The following MYOM1 variants were observed in gnomAD, a reference collection of about 807,000 sequenced individuals.
MYOM1 encodes myomesin 1.
In MYOM1, 164 loss-of-function variants were observed where a neutral mutation model predicts 205.3. The ratio of observed to expected loss-of-function variants is 0.80; its 90% CI spans 0.70 to 0.91. The LOEUF (loss-of-function observed/expected upper bound fraction) is 0.91, where lower values mean the gene tolerates loss of function less well. Ranked by LOEUF, MYOM1 falls within the 40% of genes least tolerant of loss-of-function variation. The pLI is 0.00. For synonymous variants in MYOM1, 772 were observed against 789.4 expected (o/e 0.98, Z 0.37); for missense variants, 2,011 against 2,127.3 (o/e 0.95, Z 1.08).
At chr18:3,144,045 A>G (rs909400623) in intron 13 of MYOM1, among the ~76,000 whole-genome samples, 3 of 152,058 alleles carry the variant, frequency 2.0e-5, no homozygotes, top group Non-Finnish European at 2.9e-5. Context: ...TCTCTACTAA[A>G]AATACAAAAA....
rs184926796 is a variant in MYOM1, at chr18:3,195,226, A to G, written c.291-1268T>C. On this transcript the variant is annotated intron_variant, in intron 2 of 37. Coordinates refer to ENST00000356443, the MANE Select transcript of MYOM1 (RefSeq NM_003803.4). ...CAGCGGCCCCTTGAATCCTCCAGGG[A>G]GGTCGCATGGAAATGGCCAAACTCT... Among the ~76,000 whole-genome samples, 108 of 152,346 alleles carry G rather than the reference A, an allele frequency of 7.1e-4. 1 individual carries two copies. The highest frequency in any genetic ancestry group is 2.5e-3 in the African/African-American group (106 of 41,592).
chr18:3,074,317 A>G (rs2078996556), intron 36 of MYOM1, among the ~76,000 whole-genome samples: 1 of 152,096 alleles, frequency 6.6e-6, no homozygotes, highest in Non-Finnish European at 1.5e-5. Context: ...AGTGGAGGGG[A>G]GCAGTGCAAG....
chr18:3,159,589 G>A (rs560006660), intron 10 of MYOM1, among the ~76,000 whole-genome samples: 6 of 152,150 alleles, frequency 3.9e-5, no homozygotes, highest in African/African-American at 9.6e-5. Flanking sequence ...GAAAACAATC[G>A]CACTGTCCAT....
chr18:3,068,870 T>C (rs764188313), intron 37 of MYOM1, among the ~76,000 whole-genome samples: 1 of 152,222 alleles, frequency 6.6e-6, no homozygotes, highest in African/African-American at 2.4e-5. Flanking sequence ...TTCTCTGGGA[T>C]AAATGCCCAG....
intron 1 of MYOM1, among the ~76,000 whole-genome samples, chr18:3,216,269 A>T (rs564822023): frequency 6.6e-6 from 1 of 152,300 alleles, no homozygotes; most frequent in East Asian, 1.9e-4. Context: ...TCTGTCTCAC[A>T]ATGAAACAAA....
chr18:3,174,275 C>A, intron 6 of MYOM1, 67 bp from the exon 7 acceptor site: 3 of 1,398,782 alleles, frequency 2.1e-6, no homozygotes, highest in South Asian at 2.4e-5. Context: ...GCTGTTCTAT[C>A]AAGGAACTCT....
At chr18:3,148,533 A>G (rs2080162642) in intron 13 of MYOM1, among the ~76,000 whole-genome samples, 1 of 152,134 alleles carries the variant, frequency 6.6e-6, no homozygotes, top group African/African-American at 2.4e-5. Context: ...TAGGGGTGAC[A>G]AATACGTTCA....
intron 20 of MYOM1, among the ~76,000 whole-genome samples, chr18:3,118,044 T>C (rs1243209063): frequency 6.6e-6 from 1 of 152,186 alleles, no homozygotes; most frequent in Non-Finnish European, 1.5e-5. Context: ...TGCTGTTTCC[T>C]AGCAGCTCTA....
At chr18:3,145,410 G>A (rs892597424) in intron 13 of MYOM1, among the ~76,000 whole-genome samples, 1 of 151,706 alleles carries the variant, frequency 6.6e-6, no homozygotes, top group African/African-American at 2.4e-5. Flanking sequence ...AATCTACAAG[G>A]ATTCAAATAA....
chr18:3,206,470 A>C (rs1040433924), intron 2 of MYOM1, among the ~76,000 whole-genome samples: 1 of 152,066 alleles, frequency 6.6e-6, no homozygotes, highest in Admixed American at 6.5e-5. Flanking sequence ...TACATCTCTC[A>C]TCTTTAGGAC....
intron 9 of MYOM1, among the ~76,000 whole-genome samples, chr18:3,164,700 G>C (rs2080443891): frequency 6.6e-6 from 1 of 152,084 alleles, no homozygotes. Flanking sequence ...TCAAAAAGCA[G>C]AGAAAAAGTG....
chr18:3,206,177 C>A (rs1045593205), intron 2 of MYOM1, among the ~76,000 whole-genome samples: 8 of 152,196 alleles, frequency 5.3e-5, no homozygotes, highest in African/African-American at 1.9e-4. Flanking sequence ...ATGAAAAGCT[C>A]TGTTTTTAAT....
intron 5 of MYOM1, among the ~76,000 whole-genome samples, chr18:3,183,103 A>G (rs2080762507): frequency 6.6e-6 from 1 of 151,416 alleles, no homozygotes; most frequent in Admixed American, 6.6e-5. Flanking sequence ...CTAATTTTGT[A>G]TTTTTAGTAG....
the MYOM1 span, among the ~76,000 whole-genome samples, chr18:3,231,336 G>A: frequency 2.0e-5 from 3 of 152,138 alleles, no homozygotes; most frequent in African/African-American, 7.2e-5. Context: ...CTGAAATTAT[G>A]AGGGACCGCA....
chr18:3,210,948 T>C (rs2081184064), intron 2 of MYOM1, among the ~76,000 whole-genome samples: 1 of 152,220 alleles, frequency 6.6e-6, no homozygotes, highest in Non-Finnish European at 1.5e-5. Flanking sequence ...CTCAGTGGTA[T>C]AGAGAATGCA....
intron 14 of MYOM1, among the ~76,000 whole-genome samples, chr18:3,137,173 T>A (rs1359729697): frequency 6.6e-5 from 10 of 151,992 alleles, no homozygotes; most frequent in Non-Finnish European, 1.2e-4. Flanking sequence ...ATGGTCTCGA[T>A]CTCCTGACCT....
chr18:3,192,985 C>G (rs1348532344), intron 3 of MYOM1, among the ~76,000 whole-genome samples: 1 of 151,894 alleles, frequency 6.6e-6, no homozygotes, highest in African/African-American at 2.4e-5. Flanking sequence ...AAAGTTCACC[C>G]AGGCCAGGTG....
At chr18:3,169,862 T>C (rs1018213221) in intron 8 of MYOM1, among the ~76,000 whole-genome samples, 1 of 152,192 alleles carries the variant, frequency 6.6e-6, no homozygotes, top group Non-Finnish European at 1.5e-5. Flanking sequence ...ATTGCAGCCC[T>C]TTTCACAATA....
At chr18:3,107,500 T>G (rs1429724243) in intron 22 of MYOM1, among the ~76,000 whole-genome samples, 1 of 152,194 alleles carries the variant, frequency 6.6e-6, no homozygotes. Flanking sequence ...TTTAGTTTAT[T>G]GAGAATAGGG....
Sources: allele counts gnomAD v4.1 joint callset (sites outside exome capture counted in the v4.1 genomes callset), GRCh38; gene constraint gnomAD v4.1.1; transcripts MANE v1.5; gene names NCBI Gene and HGNC (gene_info 2026-07-23, HGNC 2026-07-21).